GPHN: variants seen among roughly 807,000 people sequenced by gnomAD.
GPHN encodes gephyrin.
GPHN carries 17 observed loss-of-function variants against 95.5 expected under a neutral mutation model. The observed-to-expected ratio is 0.18, with a 90% CI of 0.12 to 0.27. The LOEUF (loss-of-function observed/expected upper bound fraction) is 0.27. Ranked by LOEUF, GPHN falls within the 10% of genes least tolerant of loss-of-function variation. The pLI, the probability that GPHN is intolerant of heterozygous loss-of-function variation, is 1.00. For missense variants in GPHN, 660 were observed against 978.1 expected (o/e 0.67, Z 4.34); for synonymous variants, 320 against 322.5 (o/e 0.99, Z 0.08).
At chr14:66,669,852 G>A (rs1252029120) in intron 1 of GPHN, among the ~76,000 whole-genome samples, 1 of 152,010 alleles carries the variant, frequency 6.6e-6, no homozygotes, top group Non-Finnish European at 1.5e-5. Flanking sequence ...TGTTTCATGT[G>A]TTTTTATAAT....
At chr14:67,505,813 TCTC>T in the GPHN span, among the ~76,000 whole-genome samples, 1 of 152,008 alleles carries the variant, frequency 6.6e-6, no homozygotes, top group African/African-American at 2.4e-5. Flanking sequence ...TTCAAGCAAT[TCTC>T]CTGCATCAGC....
At chr14:67,727,432 A>C in the GPHN span, 57 of 467,222 alleles carry the variant, frequency 1.2e-4, no homozygotes, top group East Asian at 2.0e-4. Flanking sequence ...CTCTTATCTC[A>C]TTTGATTTTC....
the GPHN span, among the ~76,000 whole-genome samples, chr14:67,274,180 G>A: frequency 5.9e-5 from 9 of 152,284 alleles, no homozygotes; most frequent in Non-Finnish European, 1.0e-4. Context: ...TGGTGTTTTA[G>A]TCATGAAGTC....
chr14:67,396,954 T>TC, the GPHN span, among the ~76,000 whole-genome samples: 1 of 152,090 alleles, frequency 6.6e-6, no homozygotes, highest in Non-Finnish European at 1.5e-5. Context: ...CTTTTTTTTT[T>TC]TTTTTGAGGA....
chr14:67,716,435 A>G, the GPHN span, among the ~76,000 whole-genome samples: 1 of 152,236 alleles, frequency 6.6e-6, no homozygotes, highest in African/African-American at 2.4e-5. Flanking sequence ...AAAAAAGTGA[A>G]TATGGCAATT....
At chr14:66,604,567 T>A (rs1392544466) in intron 1 of GPHN, among the ~76,000 whole-genome samples, 2 of 152,124 alleles carry the variant, frequency 1.3e-5, no homozygotes, top group African/African-American at 4.8e-5. Context: ...TTTAAAAAGA[T>A]ACTTTAGAAA....
chr14:67,721,750 T>G, the GPHN span, among the ~76,000 whole-genome samples: 5 of 149,262 alleles, frequency 3.3e-5, no homozygotes, highest in African/African-American at 1.2e-4. Flanking sequence ...TATATATATA[T>G]ATATATATAT....
chr14:67,339,565 G>T, the GPHN span, among the ~76,000 whole-genome samples: 1 of 152,070 alleles, frequency 6.6e-6, no homozygotes. Context: ...TACCAGTTTA[G>T]TATTTATACC....
At chr14:67,734,138 G>T in the GPHN span, 1 of 335,624 alleles carries the variant, frequency 3.0e-6, no homozygotes, top group Non-Finnish European at 5.8e-6. Context: ...GCATGGGGGT[G>T]GCAGAAGAGC....
chr14:67,047,334 TTGTGTGTGTGTGTG>T (rs778266656), intron 10 of GPHN, among the ~76,000 whole-genome samples: 5 of 109,708 alleles, frequency 4.6e-5, no homozygotes, highest in Non-Finnish European at 6.9e-5. Flanking sequence ...GTGTGTGTGT[TTGTGTGTGTGTGTG>T]TGTGTGTGTG....
the GPHN span, among the ~76,000 whole-genome samples, chr14:67,430,871 T>C: frequency 6.6e-6 from 1 of 152,226 alleles, no homozygotes; most frequent in East Asian, 1.9e-4. Context: ...TGCTGTGACT[T>C]TGGTATGAGC....
chr14:67,443,840 T>C, the GPHN span, among the ~76,000 whole-genome samples: 5 of 152,028 alleles, frequency 3.3e-5, no homozygotes, highest in Non-Finnish European at 5.9e-5. Context: ...CTGGATGGGA[T>C]GAGGAAACAG....
intron 4 of GPHN, among the ~76,000 whole-genome samples, chr14:66,830,362 T>C (rs192770169): frequency 6.2e-4 from 94 of 152,234 alleles, no homozygotes; most frequent in African/African-American, 2.1e-3. Context: ...CTAATAAAAA[T>C]AAAATATCCC....
chr14:66,510,337 T>A (rs1219692629), intron 1 of GPHN, among the ~76,000 whole-genome samples: 1 of 152,230 alleles, frequency 6.6e-6, no homozygotes. Flanking sequence ...GTTTAAAAGT[T>A]AAACCGTAGA....
chr14:66,954,283 A>C (rs968798806), intron 8 of GPHN, among the ~76,000 whole-genome samples: 1 of 152,056 alleles, frequency 6.6e-6, no homozygotes, highest in South Asian at 2.1e-4. Flanking sequence ...ATGTCTTTCT[A>C]TTTATTTGCC....
At chr14:66,857,237 C>T (rs1464714074) in intron 4 of GPHN, among the ~76,000 whole-genome samples, 2 of 151,322 alleles carry the variant, frequency 1.3e-5, no homozygotes, top group Non-Finnish European at 1.5e-5. Flanking sequence ...ATCAGAGCCC[C>T]AAAAGGAAAA....
chr14:67,035,545 A>G (rs995653702), intron 10 of GPHN, among the ~76,000 whole-genome samples: 3 of 151,916 alleles, frequency 2.0e-5, no homozygotes, highest in Non-Finnish European at 2.9e-5. Context: ...AAAAGGAGAC[A>G]TTGCAACTGA....
chr14:66,924,576 G>A (rs2066385537), intron 8 of GPHN, among the ~76,000 whole-genome samples: 1 of 152,098 alleles, frequency 6.6e-6, no homozygotes, highest in Admixed American at 6.5e-5. Flanking sequence ...AGTTATTTTT[G>A]TCTTACCAAT....
chr14:67,697,169 G>A, the GPHN span, among the ~76,000 whole-genome samples: 8 of 152,312 alleles, frequency 5.3e-5, no homozygotes, highest in East Asian at 5.8e-4. Context: ...CTGCTCGCCC[G>A]GAGTTCATGG....
Sources: allele counts gnomAD v4.1 joint callset (sites outside exome capture counted in the v4.1 genomes callset), GRCh38; gene constraint gnomAD v4.1.1; transcripts MANE v1.5; gene names NCBI Gene and HGNC (gene_info 2026-07-23, HGNC 2026-07-21).